The following TRAM2 variants were observed in gnomAD, a reference collection of about 807,000 sequenced individuals.
TRAM2 encodes the protein translocation associated membrane protein 2, also known as translocating chain-associated membrane protein 2.
TRAM2 carries 12 observed loss-of-function variants against 51.0 expected under a neutral mutation model. The ratio of observed to expected loss-of-function variants is 0.24; its 90% confidence interval spans 0.15 to 0.38. The LOEUF is 0.38. TRAM2 is among the 10% of genes least tolerant of loss of function. The pLI is 1.00. For missense variants in TRAM2, 361 were observed against 462.0 expected (o/e 0.78, Z 2.00); for synonymous variants, 175 against 179.4 (o/e 0.98, Z 0.20).
intron 1 of TRAM2, among the ~76,000 whole-genome samples, chr6:52,545,760 A>G (rs1767187895): frequency 6.6e-6 from 1 of 152,108 alleles, no homozygotes; most frequent in African/African-American, 2.4e-5. Flanking sequence ...TTAAAATTCC[A>G]CAGGCCCTGT....
At chr6:52,519,424 G>A (rs1766622106) in intron 2 of TRAM2, among the ~76,000 whole-genome samples, 1 of 152,068 alleles carries the variant, frequency 6.6e-6, no homozygotes, top group Admixed American at 6.6e-5. Context: ...CCACAACAAG[G>A]TTATCTCCTC....
chr6:52,508,315 G>A lies in TRAM2; in HGVS notation c.474C>T (p.Phe158=), dbSNP rs1766387128. Residue 158 remains phenylalanine (F), a synonymous_variant, in exon 6 of 11, where the codon TTC becomes TTT. Transcript: ENST00000182527. ...WEDYPHVHLP[F]QVKFFYLCQL... is the part of the protein sequence containing the mutation. Reference sequence around the variant, plus strand: ...GGCATAGGTAGAAAAACTTCACCTGGAAGCTGGAGACAAGGGGGCAAGTCA... The same window carrying A: ...GGCATAGGTAGAAAAACTTCACCTGAAAGCTGGAGACAAGGGGGCAAGTCA... 2 of 1,613,494 alleles carry A rather than the reference G, an allele frequency of 1.2e-6. No individual in the cohort carries two copies. The highest frequency in any genetic ancestry group is 1.7e-6 in the Non-Finnish European group (2 of 1,180,010).
At chr6:52,563,803 T>C (rs941346524) in intron 1 of TRAM2, among the ~76,000 whole-genome samples, 11 of 151,764 alleles carry the variant, frequency 7.2e-5, no homozygotes, top group Non-Finnish European at 1.5e-4. Context: ...TTTTTTATTT[T>C]TGAGTCATGT....
intron 10 of TRAM2, 81 bp downstream of exon 10, chr6:52,504,510 A>G: frequency 5.0e-6 from 8 of 1,587,922 alleles, no homozygotes; most frequent in Non-Finnish European, 6.0e-6. Context: ...AGCGCCCAAG[A>G]AGCCAGGTGC....
intron 1 of TRAM2, among the ~76,000 whole-genome samples, chr6:52,548,396 G>A (rs1283775250): frequency 6.6e-6 from 1 of 152,228 alleles, no homozygotes; most frequent in African/African-American, 2.4e-5. Flanking sequence ...CATCTAACGT[G>A]TGAGATCTTA....
At chr6:52,566,814 G>A (rs964977643) in intron 1 of TRAM2, among the ~76,000 whole-genome samples, 3 of 152,016 alleles carry the variant, frequency 2.0e-5, no homozygotes, top group Admixed American at 2.0e-4. Flanking sequence ...TCTGAGCTAG[G>A]AGACCCCCCT....
rs1766541090 is a variant in TRAM2, at chr6:52,516,022, A to G, written c.395T>C (p.Phe132Ser). 5 of 1,614,186 alleles carry G rather than the reference A, an allele frequency of 3.1e-6. No homozygotes were observed. The highest frequency in any genetic ancestry group is 4.2e-6 in the Non-Finnish European group (5 of 1,180,018). The change falls in exon 4 of 11, where the codon TTC becomes TCC. Residue 132 changes from phenylalanine (F) to serine (S), a missense_variant. Phe to Ser is a radical substitution (Grantham distance 155, BLOSUM62 -2). Transcript: ENST00000182527. ...ATGGCTCACCGTCACCACCACGTAG[A>G]AGCACCAAATCACCGAGGTGAAATG... ...VFHFTSVIWC[F>S]YVVVTEGYLT...
At chr6:52,570,795 A>ACCCCC (rs59879346) in intron 1 of TRAM2, among the ~76,000 whole-genome samples, 2 of 64,228 alleles carry the variant, frequency 3.1e-5, no homozygotes, top group African/African-American at 1.5e-4. Flanking sequence ...CCTGCCCACC[A>ACCCCC]CCCCCCCCCC....
At position 52,499,084 on chromosome 6, in the gene TRAM2, C is replaced by G. The variant is rs1426133146; in HGVS notation, c.*4113G>C. 1 of 152,208 alleles carries G rather than the reference C, an allele frequency of 6.6e-6. No homozygotes were observed. Among genetic ancestry groups the G allele is most frequent in the Non-Finnish European group, 1.5e-5 (1 of 68,040 alleles). The allele number at this position is 152,208 out of a possible 1,614,324, so 9.4% of individuals were successfully genotyped here. ...CAGCCTTTGCAAGGTGGAGCTAACA[C>G]TCATGTGAGTAGTGGGGTAGAGTGA... On this transcript the variant is annotated 3_prime_UTR_variant, in exon 11 of 11. Transcript: ENST00000182527.
chr6:52,563,714 A>C (rs952871392), intron 1 of TRAM2, among the ~76,000 whole-genome samples: 2 of 151,700 alleles, frequency 1.3e-5, no homozygotes, highest in African/African-American at 4.8e-5. Context: ...AAAAAAAAAA[A>C]AAAGTGGTTA....
chr6:52,531,593 T>A (rs1295987712), intron 2 of TRAM2, among the ~76,000 whole-genome samples: 4 of 152,190 alleles, frequency 2.6e-5, no homozygotes, highest in Non-Finnish European at 5.9e-5. Flanking sequence ...CCAGTCACGC[T>A]GGCCTATGTA....
intron 2 of TRAM2, 137 bp from the exon 3 acceptor site, chr6:52,516,874 T>A (rs1355266360): frequency 1.5e-6 from 1 of 678,084 alleles, no homozygotes; most frequent in Non-Finnish European, 2.6e-6. Flanking sequence ...CAGAAGAAGG[T>A]TTCTGCCCCA....
intron 4 of TRAM2, 196 bp downstream of exon 4, chr6:52,515,810 T>C: frequency 1.8e-6 from 1 of 565,002 alleles, no homozygotes; most frequent in Non-Finnish European, 3.2e-6. Context: ...TAAAATGGCA[T>C]CTCTCTGTAA....
intron 7 of TRAM2, 114 bp from the exon 8 acceptor site, chr6:52,506,250 C>G: frequency 1.1e-6 from 1 of 886,956 alleles, no homozygotes; most frequent in South Asian, 1.4e-5. Context: ...GCTTTCCACT[C>G]CCACTTTCCC....
intron 1 of TRAM2, among the ~76,000 whole-genome samples, chr6:52,543,397 C>G (rs2114092280): frequency 6.6e-6 from 1 of 152,330 alleles, no homozygotes; most frequent in South Asian, 2.1e-4. Flanking sequence ...ATTTATTTCT[C>G]CTGCATCATG....
At chr6:52,553,742 T>A (rs368343305) in intron 1 of TRAM2, among the ~76,000 whole-genome samples, 2 of 152,208 alleles carry the variant, frequency 1.3e-5, no homozygotes, top group South Asian at 4.1e-4. Context: ...AATGGAGTTG[T>A]TCAGTTGCTT....
intron 2 of TRAM2, among the ~76,000 whole-genome samples, chr6:52,518,381 G>C (rs1027586756): frequency 4.6e-5 from 7 of 152,238 alleles, no homozygotes; most frequent in Non-Finnish European, 1.0e-4. Context: ...GCGTGGCCTT[G>C]TGTGCCATGT....
intron 2 of TRAM2, chr6:52,523,213 A>G (rs1284863070): frequency 3.2e-6 from 1 of 314,380 alleles, no homozygotes; most frequent in African/African-American, 2.1e-5. Context: ...TTTTTACACT[A>G]TATATAAATC....
At chr6:52,551,364 T>A (rs1482707787) in intron 1 of TRAM2, among the ~76,000 whole-genome samples, 2 of 152,186 alleles carry the variant, frequency 1.3e-5, no homozygotes, top group Non-Finnish European at 2.9e-5. Context: ...GTGCTCAGAG[T>A]GCCACACAGG....
Sources: allele counts gnomAD v4.1 joint callset (sites outside exome capture counted in the v4.1 genomes callset), GRCh38; gene constraint gnomAD v4.1.1; transcripts MANE v1.5; gene names NCBI Gene and HGNC (gene_info 2026-07-23, HGNC 2026-07-21).